Variants in MYT1L observed in about 807,000 individuals in gnomAD.
MYT1L encodes the protein myelin transcription factor 1-like protein.
In MYT1L, 12 loss-of-function variants were observed where a neutral mutation model predicts 126.7. The observed-to-expected ratio is 0.09, with a 90% CI of 0.06 to 0.15. MYT1L has a LOEUF of 0.15. Ranked by LOEUF, MYT1L falls within the 10% of genes least tolerant of loss-of-function variation. The pLI, the probability that MYT1L is intolerant of heterozygous loss-of-function variation, is 1.00. For missense variants in MYT1L, 979 were observed against 1,585.2 expected (o/e 0.62, Z 6.49); for synonymous variants, 541 against 604.2 (o/e 0.90, Z 1.53).
In MYT1L at chr2:1,793,944, C is replaced by T. The variant is rs2032814616; in HGVS notation, c.3277-1480G>A. On this transcript the variant is annotated intron_variant, in intron 23 of 24. Coordinates refer to ENST00000647738, the MANE Select transcript of MYT1L (RefSeq NM_001303052.2). This position sits in a 1 kb window ranked among gnomAD's most constrained non-coding sequence, Gnocchi z 4.6. ...CTTCCAGAGCGTTCTGTAGCCCTTCCTGGGTGGCCACGTGCCTGCACTCAC... is the reference window on the plus strand; with the variant it reads ...CTTCCAGAGCGTTCTGTAGCCCTTCTTGGGTGGCCACGTGCCTGCACTCAC... Among the ~76,000 whole-genome samples the T allele has an allele frequency of 6.6e-6, 1 of 152,198 alleles. No homozygotes were observed. The highest frequency in any genetic ancestry group is 2.1e-4 in the South Asian group (1 of 4,828).
chr2:1,987,081 T>A (rs1467508158), intron 5 of MYT1L, among the ~76,000 whole-genome samples: 7 of 152,202 alleles, frequency 4.6e-5, no homozygotes, highest in Admixed American at 3.9e-4. Context: ...AAATATGATT[T>A]TCTAAACTTG....
chr2:2,029,171 C>T (rs1023219916), intron 4 of MYT1L, among the ~76,000 whole-genome samples: 1 of 152,096 alleles, frequency 6.6e-6, no homozygotes, highest in African/African-American at 2.4e-5. Flanking sequence ...TTACACAAGG[C>T]AAATATTTGG....
At chr2:2,134,376 C>T (rs887036426) in intron 3 of MYT1L, among the ~76,000 whole-genome samples, 1 of 152,198 alleles carries the variant, frequency 6.6e-6, no homozygotes, top group African/African-American at 2.4e-5. Context: ...TCCACTTTTA[C>T]AGATAGAAGC....
At chr2:2,144,858 C>A (rs1403764468) in intron 3 of MYT1L, among the ~76,000 whole-genome samples, 1 of 152,176 alleles carries the variant, frequency 6.6e-6, no homozygotes, top group African/African-American at 2.4e-5. Flanking sequence ...ACCTCACCAC[C>A]TTTCTCTTGC....
At chr2:1,836,500 T>C (rs1472258933) in intron 21 of MYT1L, among the ~76,000 whole-genome samples, 2 of 147,792 alleles carry the variant, frequency 1.4e-5, no homozygotes, top group Non-Finnish European at 3.0e-5. Flanking sequence ...CAAAATTCCA[T>C]CAGCCTGCAC....
chr2:1,838,864 GA>G (rs1019321240), intron 21 of MYT1L, among the ~76,000 whole-genome samples: 2 of 152,126 alleles, frequency 1.3e-5, no homozygotes, highest in Admixed American at 6.5e-5. Flanking sequence ...TGTCTTAAAT[GA>G]AAATCTATAT....
intron 2 of MYT1L, among the ~76,000 whole-genome samples, chr2:2,268,109 C>T (rs1010765477): frequency 6.6e-6 from 1 of 152,092 alleles, no homozygotes; most frequent in African/African-American, 2.4e-5. Flanking sequence ...GGTCATTTTC[C>T]AATTCCATGC....
At chr2:1,973,919 C>G (rs530431418) in intron 8 of MYT1L, among the ~76,000 whole-genome samples, 2 of 152,228 alleles carry the variant, frequency 1.3e-5, no homozygotes, top group East Asian at 3.9e-4. Context: ...ACGGGGCCTT[C>G]CCAGCCAGCA....
intron 21 of MYT1L, among the ~76,000 whole-genome samples, chr2:1,812,576 C>G (rs1572457747): frequency 6.6e-6 from 1 of 152,036 alleles, no homozygotes; most frequent in Admixed American, 6.5e-5. Context: ...GCAGGACTTC[C>G]AAGTTAAGAG....
At chr2:2,220,764 T>C (rs1293280501) in intron 2 of MYT1L, among the ~76,000 whole-genome samples, 1 of 152,112 alleles carries the variant, frequency 6.6e-6, no homozygotes, top group African/African-American at 2.4e-5. Flanking sequence ...TATATATATA[T>C]ATGGTTAAAT....
chr2:1,994,749 T>C (rs1406258528), intron 5 of MYT1L, among the ~76,000 whole-genome samples: 1 of 152,212 alleles, frequency 6.6e-6, no homozygotes, highest in Non-Finnish European at 1.5e-5. Flanking sequence ...ATTTTAGTAA[T>C]GTGGTAAAAA....
In MYT1L at chr2:1,806,167, G is replaced by T. The variant is rs1048474859; in HGVS notation, c.3172+2909C>A. Among the ~76,000 whole-genome samples, 1 of 152,140 alleles carries T rather than the reference G, an allele frequency of 6.6e-6. No individual in the cohort carries two copies. Among genetic ancestry groups the T allele is most frequent in the African/African-American group, 2.4e-5 (1 of 41,428 alleles). On this transcript the variant is annotated intron_variant, in intron 22 of 24. Transcript: ENST00000647738. The surrounding 1 kb of genome is among the most constrained non-coding windows in gnomAD (Gnocchi z 4.9). ...TGCCTGGGCACACAACTGTGCTCTG[G>T]GGGTAAGAAAGAACTATCTCAGTTT...
chr2:2,251,987 G>A (rs1318530047), intron 2 of MYT1L, among the ~76,000 whole-genome samples: 1 of 152,106 alleles, frequency 6.6e-6, no homozygotes, highest in East Asian at 1.9e-4. Flanking sequence ...GAACACAGCA[G>A]GCATCTAAAA....
chr2:2,235,018 C>T (rs2094253433), intron 2 of MYT1L, among the ~76,000 whole-genome samples: 1 of 152,178 alleles, frequency 6.6e-6, no homozygotes, highest in South Asian at 2.1e-4. Context: ...TTCTTTCTGC[C>T]TCTTCCATTG....
In MYT1L at chr2:1,912,239, G is replaced by A. The variant is rs1184051884; in HGVS notation, c.1619-129C>T. On this transcript the variant is annotated intron_variant, in intron 11 of 24. Transcript: ENST00000647738. This position sits in a 1 kb window ranked among gnomAD's most constrained non-coding sequence, Gnocchi z 4.3. ...ACAGTCCTACAAACGTTTGTGATGGGCATGGCCAGGAAAACACACATGGGA... is the reference window on the plus strand; with the variant it reads ...ACAGTCCTACAAACGTTTGTGATGGACATGGCCAGGAAAACACACATGGGA... 5.5e-6 allele frequency: 3 copies of A among 541,872 alleles called. No homozygotes were observed. Among genetic ancestry groups the A allele is most frequent in the Admixed American group, 3.4e-5 (1 of 29,478 alleles). The allele number at this position is 541,872 out of a possible 1,614,324, so 33.6% of individuals were successfully genotyped here.
chr2:1,995,335 C>A (rs1308527772), intron 5 of MYT1L, among the ~76,000 whole-genome samples: 2 of 152,182 alleles, frequency 1.3e-5, no homozygotes, highest in African/African-American at 2.4e-5. Flanking sequence ...TGTGAGTTCA[C>A]TAGACTGTCG....
At chr2:1,994,576 T>G (rs1274836254) in intron 5 of MYT1L, among the ~76,000 whole-genome samples, 3 of 152,180 alleles carry the variant, frequency 2.0e-5, no homozygotes, top group Non-Finnish European at 4.4e-5. Context: ...ACGGTGCTAG[T>G]GAAAAAAGCT....
At chr2:2,009,898 G>GTTTT (rs147372422) in intron 4 of MYT1L, among the ~76,000 whole-genome samples, 3,756 of 114,204 alleles carry the variant, frequency 0.033, 89 homozygotes, top group Non-Finnish European at 0.054. Flanking sequence ...ACTGTTAAGA[G>GTTTT]TTTTTTTTTT....
chr2:2,014,196 G>GTTTTTT (rs542058607), intron 4 of MYT1L, among the ~76,000 whole-genome samples: 7 of 137,122 alleles, frequency 5.1e-5, no homozygotes, highest in Non-Finnish European at 6.3e-5. Flanking sequence ...CAGGAATCCT[G>GTTTTTT]TTTTTTTTTT....
Sources: allele counts gnomAD v4.1 joint callset (sites outside exome capture counted in the v4.1 genomes callset), GRCh38; gene constraint gnomAD v4.1.1; non-coding constraint Gnocchi (gnomAD v3.1); transcripts MANE v1.5; gene names NCBI Gene and HGNC (gene_info 2026-07-23, HGNC 2026-07-21).